The following KCNH5 variants were observed in gnomAD, a reference collection of about 807,000 sequenced individuals.
The protein encoded by KCNH5 is potassium voltage-gated channel subfamily H member 5.
KCNH5 carries 46 observed loss-of-function variants against 96.1 expected under a neutral mutation model. That is an observed-to-expected ratio of 0.48 (90% confidence interval 0.38 to 0.61). The LOEUF (loss-of-function observed/expected upper bound fraction) is 0.61, where lower values mean the gene tolerates loss of function less well. Ranked by LOEUF, KCNH5 falls within the 20% of genes least tolerant of loss-of-function variation. The pLI, the probability that KCNH5 is intolerant of heterozygous loss-of-function variation, is 0.00. For missense variants in KCNH5, 907 were observed against 1,225.8 expected, an observed-to-expected ratio of 0.74 and a Z score of 3.88; for synonymous variants, 439 against 449.8, an observed-to-expected ratio of 0.98 and a Z score of 0.30.
intron 4 of KCNH5, among the ~76,000 whole-genome samples, chr14:62,994,912 C>A (rs978110998): frequency 1.3e-5 from 2 of 152,044 alleles, no homozygotes; most frequent in Non-Finnish European, 2.9e-5. Flanking sequence ...CCTTCCCTTT[C>A]GATGGGTTTT....
chr14:62,722,126 T>G (rs1404027856), intron 10 of KCNH5, among the ~76,000 whole-genome samples: 1 of 152,212 alleles, frequency 6.6e-6, no homozygotes, highest in Non-Finnish European at 1.5e-5. Flanking sequence ...TAAGCTCATT[T>G]GAACAAAATG....
intron 1 of KCNH5, among the ~76,000 whole-genome samples, chr14:63,035,175 T>C (rs947239381): frequency 2.6e-5 from 4 of 152,202 alleles, no homozygotes; most frequent in Non-Finnish European, 4.4e-5. Flanking sequence ...ATATTTAATG[T>C]TTAAGCATCA....
chr14:62,848,294 A>T (rs1887737656), intron 8 of KCNH5, among the ~76,000 whole-genome samples: 1 of 152,168 alleles, frequency 6.6e-6, no homozygotes, highest in South Asian at 2.1e-4. Context: ...TCCAAGGAAG[A>T]TTCTGTTTCT....
chr14:63,008,307 A>G (rs1891163268), intron 2 of KCNH5, among the ~76,000 whole-genome samples: 1 of 152,116 alleles, frequency 6.6e-6, no homozygotes, highest in South Asian at 2.1e-4. Context: ...CACTCAAATG[A>G]GGGCCCCTGA....
At chr14:62,968,085 C>T (rs1890336379) in intron 6 of KCNH5, among the ~76,000 whole-genome samples, 1 of 152,204 alleles carries the variant, frequency 6.6e-6, no homozygotes. Context: ...CATCACCAAA[C>T]TTTTCAAATC....
At chr14:62,727,121 T>G (rs1884943911) in intron 10 of KCNH5, among the ~76,000 whole-genome samples, 1 of 152,066 alleles carries the variant, frequency 6.6e-6, no homozygotes, top group South Asian at 2.1e-4. Context: ...TCCCAGTGCT[T>G]TGGGAGGCTG....
chr14:63,011,951 AT>A (rs1335198620), intron 2 of KCNH5, among the ~76,000 whole-genome samples: 2 of 152,306 alleles, frequency 1.3e-5, no homozygotes, highest in East Asian at 3.9e-4. Context: ...TTTCAAAAAA[AT>A]GTATCTGAGA....
intron 9 of KCNH5, among the ~76,000 whole-genome samples, chr14:62,783,045 A>G (rs1341332684): frequency 6.6e-6 from 1 of 152,236 alleles, no homozygotes; most frequent in Non-Finnish European, 1.5e-5. Flanking sequence ...ATAAATGTCA[A>G]TAAATAATGA....
At chr14:63,003,588 A>G (rs1891064682) in intron 3 of KCNH5, among the ~76,000 whole-genome samples, 1 of 124,720 alleles carries the variant, frequency 8.0e-6, no homozygotes, top group African/African-American at 3.3e-5. Flanking sequence ...TACATAATAT[A>G]TATATTTATA....
intron 9 of KCNH5, among the ~76,000 whole-genome samples, chr14:62,796,263 C>T (rs531821266): frequency 3.9e-5 from 6 of 152,136 alleles, no homozygotes; most frequent in Non-Finnish European, 7.4e-5. Context: ...TTGCCCACCT[C>T]GGCCTCCCAA....
intron 7 of KCNH5, among the ~76,000 whole-genome samples, chr14:62,910,735 T>C (rs367847170): frequency 6.6e-6 from 1 of 152,158 alleles, no homozygotes; most frequent in African/African-American, 2.4e-5. Context: ...GTACGGTTCT[T>C]TGAGCACATC....
chr14:62,964,946 TA>T (rs548556405), intron 6 of KCNH5, among the ~76,000 whole-genome samples: 4 of 152,138 alleles, frequency 2.6e-5, no homozygotes, highest in Non-Finnish European at 5.9e-5. Flanking sequence ...CGGTCTTGAA[TA>T]AAGTCTTTGT....
intron 10 of KCNH5, among the ~76,000 whole-genome samples, chr14:62,755,071 A>C (rs1422007230): frequency 1.3e-5 from 2 of 151,692 alleles, no homozygotes; most frequent in African/African-American, 4.8e-5. Flanking sequence ...AGAAAACAAA[A>C]CCAAAATTTA....
At chr14:62,747,151 T>C (rs910655963) in intron 10 of KCNH5, among the ~76,000 whole-genome samples, 1 of 152,124 alleles carries the variant, frequency 6.6e-6, no homozygotes, top group Non-Finnish European at 1.5e-5. Context: ...CTGGCCAACA[T>C]GGTGAAGACC....
chr14:62,796,435 C>T (rs1886542562), intron 9 of KCNH5, among the ~76,000 whole-genome samples: 1 of 152,098 alleles, frequency 6.6e-6, no homozygotes, highest in African/African-American at 2.4e-5. Flanking sequence ...CTCTTTTTCC[C>T]AACCCCATAA....
At chr14:62,912,194 G>A (rs1889180944) in intron 7 of KCNH5, among the ~76,000 whole-genome samples, 1 of 152,004 alleles carries the variant, frequency 6.6e-6, no homozygotes, top group Non-Finnish European at 1.5e-5. Flanking sequence ...ACAATGAAAT[G>A]CATTAATATG....
chr14:63,000,766 C>T (rs1890994729), intron 4 of KCNH5, among the ~76,000 whole-genome samples: 1 of 152,150 alleles, frequency 6.6e-6, no homozygotes, highest in South Asian at 2.1e-4. Flanking sequence ...AAATTCCAAT[C>T]ATATTGATTC....
Position 62,699,815 on chromosome 14 carries a change from A to T in KCNH5, c.*7693T>A, listed in dbSNP as rs1466384625. ...TACATACAAAATTTCTATATTATACATTGCAGTATCTTTGTTTAAGTAGAA... is the reference window on the plus strand; with the variant it reads ...TACATACAAAATTTCTATATTATACTTTGCAGTATCTTTGTTTAAGTAGAA... On this transcript the variant is annotated 3_prime_UTR_variant, in exon 11 of 11. Transcript: ENST00000322893. 3 of 152,178 alleles carry T rather than the reference A, an allele frequency of 2.0e-5. No homozygotes were observed. Among genetic ancestry groups the T allele is most frequent in the African/African-American group, 2.4e-5 (1 of 41,454 alleles). 9.4% of individuals were successfully genotyped at this position (152,178 alleles called of 1,614,324 possible).
intron 7 of KCNH5, among the ~76,000 whole-genome samples, chr14:62,913,650 T>C (rs1428033742): frequency 6.6e-6 from 1 of 152,206 alleles, no homozygotes; most frequent in Non-Finnish European, 1.5e-5. Flanking sequence ...AGAATAATTA[T>C]AGTACTTGGG....
Sources: allele counts gnomAD v4.1 joint callset (sites outside exome capture counted in the v4.1 genomes callset), GRCh38; gene constraint gnomAD v4.1.1; transcripts MANE v1.5; gene names NCBI Gene and HGNC (gene_info 2026-07-23, HGNC 2026-07-21).